Variants in METTL9 observed in about 807,000 individuals in gnomAD.
The protein encoded by METTL9 is methyltransferase 9, His-X-His N1(pi)-histidine.
In METTL9, 10 loss-of-function variants were observed where a neutral mutation model predicts 36.0. The observed-to-expected ratio is 0.28, with a 90% confidence interval of 0.17 to 0.47. The LOEUF is 0.47. Ranked by LOEUF, METTL9 falls within the 20% of genes least tolerant of loss-of-function variation. The pLI is 0.99. For missense variants in METTL9, 246 were observed against 383.5 expected (o/e 0.64, Z 3.00); for synonymous variants, 175 against 149.7 (o/e 1.17, Z -1.23).
At chr16:21,649,722 T>G (rs1312290577) in intron 4 of METTL9, among the ~76,000 whole-genome samples, 2 of 152,196 alleles carry the variant, frequency 1.3e-5, no homozygotes, top group East Asian at 3.8e-4. Flanking sequence ...TTTTTATTTT[T>G]GAGATAGGGT....
At chr16:21,648,841 T>C (rs573604412) in intron 4 of METTL9, among the ~76,000 whole-genome samples, 1 of 152,336 alleles carries the variant, frequency 6.6e-6, no homozygotes, top group East Asian at 1.9e-4. Context: ...TGAAAAGTCA[T>C]CCAAGTGGTC....
chr16:21,632,537 G>A (rs2141597740), intron 4 of METTL9, among the ~76,000 whole-genome samples: 1 of 152,252 alleles, frequency 6.6e-6, no homozygotes, highest in East Asian at 1.9e-4. Context: ...AGTCATGCTC[G>A]ATTGGTTCCT....
chr16:21,613,500 C>G (rs994731946), intron 2 of METTL9, among the ~76,000 whole-genome samples: 1 of 152,042 alleles, frequency 6.6e-6, no homozygotes, highest in Non-Finnish European at 1.5e-5. Flanking sequence ...TTAACAAGCT[C>G]TTAGACGATG....
chr16:21,603,506 C>T (rs1965192670), intron 1 of METTL9, among the ~76,000 whole-genome samples: 1 of 152,196 alleles, frequency 6.6e-6, no homozygotes, highest in African/African-American at 2.4e-5. Flanking sequence ...GAAATAGAGG[C>T]AGGCAGTGAG....
intron 4 of METTL9, among the ~76,000 whole-genome samples, chr16:21,649,593 G>T (rs1001071319): frequency 5.3e-5 from 8 of 152,290 alleles, no homozygotes; most frequent in African/African-American, 1.9e-4. Context: ...ATGGAATTGG[G>T]TCTGCCAAAA....
chr16:21,597,452 TTC>T (rs1964973022), upstream of METTL9, among the ~76,000 whole-genome samples: 1 of 152,212 alleles, frequency 6.6e-6, no homozygotes, highest in Non-Finnish European at 1.5e-5. Context: ...TGATTTATTT[TTC>T]TAGGCCAGCT....
intron 4 of METTL9, chr16:21,644,411 C>G: frequency 6.5e-7 from 1 of 1,546,416 alleles, no homozygotes; most frequent in Non-Finnish European, 8.9e-7. Flanking sequence ...ATGACAAAAA[C>G]AGAAAGAAGC....
At chr16:21,637,455 CAG>C (rs1340167638) in intron 4 of METTL9, among the ~76,000 whole-genome samples, 1 of 152,242 alleles carries the variant, frequency 6.6e-6, no homozygotes, top group Non-Finnish European at 1.5e-5. Context: ...TAAGTAGACA[CAG>C]AGTGCTGATT....
chr16:21,635,412 A>G (rs930508136), intron 4 of METTL9, among the ~76,000 whole-genome samples: 20 of 152,070 alleles, frequency 1.3e-4, no homozygotes, highest in African/African-American at 2.4e-5. Flanking sequence ...TAGGGAGGCT[A>G]GGATATGGGG....
intron 4 of METTL9, among the ~76,000 whole-genome samples, chr16:21,649,027 G>A (rs939657073): frequency 6.6e-6 from 1 of 152,054 alleles, no homozygotes; most frequent in Non-Finnish European, 1.5e-5. Flanking sequence ...CAGAGTCTCT[G>A]TCTCCCAGGC....
At chr16:21,643,304 T>A in intron 4 of METTL9, 1 of 650,954 alleles carries the variant, frequency 1.5e-6, no homozygotes, top group Non-Finnish European at 2.7e-6. Flanking sequence ...AACTCTTTTG[T>A]ATTTGAGAAC....
At chr16:21,643,660 T>C (rs1966338054) in intron 4 of METTL9, 1 of 1,057,192 alleles carries the variant, frequency 9.5e-7, no homozygotes, top group Admixed American at 2.0e-5. Flanking sequence ...TGGTGGCAGA[T>C]ATCTCATGCC....
At chr16:21,604,299 C>G (rs1164940437) in intron 1 of METTL9, among the ~76,000 whole-genome samples, 1 of 152,186 alleles carries the variant, frequency 6.6e-6, no homozygotes, top group African/African-American at 2.4e-5. Context: ...CTTTCTTGTG[C>G]TGGATATACC....
chr16:21,606,208 G>A (rs962759053), intron 1 of METTL9, among the ~76,000 whole-genome samples: 1 of 152,104 alleles, frequency 6.6e-6, no homozygotes, highest in Non-Finnish European at 1.5e-5. Flanking sequence ...GTGGTGGCAC[G>A]TGCCTGTAAT....
At chr16:21,643,003 C>T in intron 4 of METTL9, 1 of 993,214 alleles carries the variant, frequency 1.0e-6, no homozygotes, top group South Asian at 1.3e-5. Context: ...TTGACAGCTC[C>T]TTGGCAGCTT....
At chr16:21,621,851 C>G (rs1367074486) in intron 3 of METTL9, among the ~76,000 whole-genome samples, 2 of 151,876 alleles carry the variant, frequency 1.3e-5, no homozygotes, top group African/African-American at 4.8e-5. Context: ...TAGAGCTCTC[C>G]CAACCCGAGA....
chr16:21,616,000 G>A (rs564855820), intron 2 of METTL9, among the ~76,000 whole-genome samples: 1 of 152,292 alleles, frequency 6.6e-6, no homozygotes, highest in African/African-American at 2.4e-5. Context: ...AAGATTTACT[G>A]TAAACTTGGT....
chr16:21,612,896 C>G, intron 2 of METTL9, 61 bp downstream of exon 2: 2 of 1,409,634 alleles, frequency 1.4e-6, no homozygotes, highest in East Asian at 4.9e-5. Flanking sequence ...AGGAAAAACA[C>G]AAAAAGAAAA....
At chr16:21,646,774 A>G (rs1425503347) in intron 4 of METTL9, 6 of 324,454 alleles carry the variant, frequency 1.8e-5, no homozygotes, top group Admixed American at 8.5e-5. Context: ...TCCTGCCTCA[A>G]CCTCCCAAGC....
Sources: allele counts gnomAD v4.1 joint callset (sites outside exome capture counted in the v4.1 genomes callset), GRCh38; gene constraint gnomAD v4.1.1; transcripts MANE v1.5; gene names NCBI Gene and HGNC (gene_info 2026-07-23, HGNC 2026-07-21).